The following TMEM132B variants were observed in gnomAD, a reference collection of about 807,000 sequenced individuals.
The protein encoded by TMEM132B is transmembrane protein 132B.
A neutral mutation model predicts 90.8 loss-of-function variants in TMEM132B; 18 were observed. That is an observed-to-expected ratio of 0.20 (90% confidence interval 0.14 to 0.29). The LOEUF (loss-of-function observed/expected upper bound fraction) is 0.29. Ranked by LOEUF, TMEM132B falls within the 10% of genes least tolerant of loss-of-function variation. The pLI, the probability that TMEM132B is intolerant of heterozygous loss-of-function variation, is 1.00. For missense variants in TMEM132B, 1,096 were observed against 1,326.8 expected, an observed-to-expected ratio of 0.83 and a Z score of 2.70; for synonymous variants, 504 against 523.3, an observed-to-expected ratio of 0.96 and a Z score of 0.50.
intron 1 of TMEM132B, among the ~76,000 whole-genome samples, chr12:125,233,863 A>G (rs929062697): frequency 8.5e-5 from 13 of 152,106 alleles, no homozygotes; most frequent in African/African-American, 1.4e-4. Context: ...CTCTTATTCA[A>G]CTGCCTCCCC....
intron 1 of TMEM132B, among the ~76,000 whole-genome samples, chr12:125,334,032 T>C (rs1265192985): frequency 6.6e-6 from 1 of 152,192 alleles, no homozygotes; most frequent in Non-Finnish European, 1.5e-5. Flanking sequence ...ATGAAAAGTA[T>C]GAAAATATAA....
chr12:125,389,441 G>GAT (rs1157831295), intron 2 of TMEM132B, among the ~76,000 whole-genome samples: 1 of 148,728 alleles, frequency 6.7e-6, no homozygotes, highest in Non-Finnish European at 1.5e-5. Flanking sequence ...ATTCATCACA[G>GAT]ATATCTCTTC....
chr12:125,219,709 A>G (rs925438980), intron 1 of TMEM132B, among the ~76,000 whole-genome samples: 1 of 152,188 alleles, frequency 6.6e-6, no homozygotes, highest in African/African-American at 2.4e-5. Context: ...GACAGAAGAC[A>G]TTAGGGGCTT....
intron 4 of TMEM132B, among the ~76,000 whole-genome samples, chr12:125,553,631 T>A (rs1816018395): frequency 1.3e-5 from 2 of 152,132 alleles, no homozygotes; most frequent in Admixed American, 1.3e-4. Flanking sequence ...CTATGATGAG[T>A]TTACATAGTG....
chr12:125,369,443 G>A (rs1393362953), intron 2 of TMEM132B, among the ~76,000 whole-genome samples: 2 of 152,196 alleles, frequency 1.3e-5, no homozygotes, highest in Non-Finnish European at 2.9e-5. Flanking sequence ...GTGTTTGGCA[G>A]TTTGATAATA....
At chr12:125,606,460 GTAGA>G (rs1490296209) in intron 5 of TMEM132B, among the ~76,000 whole-genome samples, 3 of 152,190 alleles carry the variant, frequency 2.0e-5, no homozygotes, top group African/African-American at 7.2e-5. Flanking sequence ...TAGCTACTAT[GTAGA>G]TAATGTGGGT....
At chr12:125,298,271 A>T (rs985531236) in intron 1 of TMEM132B, among the ~76,000 whole-genome samples, 2 of 151,978 alleles carry the variant, frequency 1.3e-5, no homozygotes, top group Admixed American at 6.6e-5. Context: ...AAAACAAAAC[A>T]AAATGAAAAC....
chr12:125,365,187 A>G (rs1878090005), intron 2 of TMEM132B, among the ~76,000 whole-genome samples: 1 of 151,448 alleles, frequency 6.6e-6, no homozygotes, highest in South Asian at 2.1e-4. Context: ...TAACTTTTAT[A>G]TAGGCTTTTT....
chr12:125,631,296 C>T (rs955825193), intron 5 of TMEM132B, among the ~76,000 whole-genome samples: 1 of 152,066 alleles, frequency 6.6e-6, no homozygotes, highest in Admixed American at 6.6e-5. Context: ...TGCATAGTTT[C>T]CAAAATTCCT....
At chr12:125,560,507 C>T (rs1884492993) in intron 4 of TMEM132B, among the ~76,000 whole-genome samples, 1 of 152,102 alleles carries the variant, frequency 6.6e-6, no homozygotes, top group South Asian at 2.1e-4. Context: ...CATCTCACAC[C>T]AGTTAGAATA....
At chr12:125,211,547 C>T (rs1405737011) in intron 1 of TMEM132B, among the ~76,000 whole-genome samples, 1 of 152,154 alleles carries the variant, frequency 6.6e-6, no homozygotes, top group Non-Finnish European at 1.5e-5. Context: ...AATGTTGGAA[C>T]AGTGGCCTGG....
At chr12:125,603,204 T>G (rs113978255) in intron 5 of TMEM132B, among the ~76,000 whole-genome samples, 2 of 152,118 alleles carry the variant, frequency 1.3e-5, no homozygotes, top group Non-Finnish European at 2.9e-5. Context: ...TGACTTCAAA[T>G]TATACTACAA....
At chr12:125,328,051 C>T (rs78770269) in intron 1 of TMEM132B, among the ~76,000 whole-genome samples, 3,718 of 152,316 alleles carry the variant, frequency 0.024, 170 homozygotes, top group African/African-American at 0.085. Context: ...GCCCTTGGGG[C>T]TGGGCCATCG....
chr12:125,239,016 A>G (rs1166059098), intron 1 of TMEM132B, among the ~76,000 whole-genome samples: 1 of 152,172 alleles, frequency 6.6e-6, no homozygotes, highest in African/African-American at 2.4e-5. Context: ...TGTGGTAACT[A>G]TTATGGTAAT....
chr12:125,456,115 A>T (rs984983617), intron 3 of TMEM132B, among the ~76,000 whole-genome samples: 1 of 152,212 alleles, frequency 6.6e-6, no homozygotes, highest in African/African-American at 2.4e-5. Context: ...TGTGACCCTT[A>T]GAGTGGAGCA....
Position 125,458,088 on chromosome 12 carries a change from G to A in TMEM132B, c.1106+42411G>A, listed in dbSNP as rs550208722. Among the ~76,000 whole-genome samples the A allele has an allele frequency of 9.2e-5, 14 of 152,232 alleles. No homozygotes were observed. The South Asian group carries it at 1.0e-3, about 11-fold the overall frequency. ...TGAGGCAAGGTGAGTAAGGTGTGAC[G>A]AGTGGGAGGAGAAGGCAGATTCCAG... On this transcript the variant is annotated intron_variant, in intron 3 of 8. Coordinates refer to ENST00000682704, the MANE Select transcript of TMEM132B (RefSeq NM_001366854.1). This position sits in a 1 kb window ranked among gnomAD's most constrained non-coding sequence, Gnocchi z 4.9.
At chr12:125,479,325 T>C (rs1450751283) in intron 3 of TMEM132B, among the ~76,000 whole-genome samples, 1 of 152,198 alleles carries the variant, frequency 6.6e-6, no homozygotes, top group African/African-American at 2.4e-5. Flanking sequence ...GCAAATTGGA[T>C]AAAGAGTCAA....
intron 2 of TMEM132B, among the ~76,000 whole-genome samples, chr12:125,352,103 T>C (rs1877605747): frequency 6.6e-6 from 1 of 152,212 alleles, no homozygotes; most frequent in African/African-American, 2.4e-5. Context: ...AACTCTGCGT[T>C]CTAGACTGTG....
chr12:125,434,005 A>G (rs959490025), intron 3 of TMEM132B, among the ~76,000 whole-genome samples: 1 of 152,172 alleles, frequency 6.6e-6, no homozygotes, highest in Non-Finnish European at 1.5e-5. Context: ...GTGGTTTCAA[A>G]GGATATATGT....
Sources: gnomAD v4.1 joint callset for allele counts (sites outside exome capture counted in the v4.1 genomes callset) on GRCh38, gnomAD v4.1.1 for gene constraint, Gnocchi (gnomAD v3.1) non-coding constraint, MANE v1.5 for transcripts, NCBI Gene and HGNC (gene_info 2026-07-23, HGNC 2026-07-21) for gene names.